Variants in SMOC2 observed in about 807,000 individuals in gnomAD.
SMOC2 encodes the protein SPARC related modular calcium binding 2.
A neutral mutation model predicts 61.4 loss-of-function variants in SMOC2; 39 were observed. The observed-to-expected ratio is 0.64, with a 90% confidence interval of 0.49 to 0.83. The LOEUF (loss-of-function observed/expected upper bound fraction) is 0.83. Ranked by LOEUF, SMOC2 falls within the 40% of genes least tolerant of loss-of-function variation. SMOC2 has a pLI of 0.00. For synonymous variants in SMOC2, 247 were observed against 239.9 expected, an observed-to-expected ratio of 1.03 and a Z score of -0.27; for missense variants, 556 against 592.9, an observed-to-expected ratio of 0.94 and a Z score of 0.65.
At chr6:168,652,274 G>A (rs771142314) in intron 10 of SMOC2, among the ~76,000 whole-genome samples, 1 of 152,106 alleles carries the variant, frequency 6.6e-6, no homozygotes, top group Non-Finnish European at 1.5e-5. Flanking sequence ...TGAGAAATTG[G>A]CAATGGTGTC....
rs112416929 is a variant in SMOC2, at chr6:168,478,882, T to C, written c.85-31033T>C. 1.9e-3 allele frequency among the ~76,000 whole-genome samples: 180 copies of C among 93,872 alleles called. 1 individual carries two copies. Among genetic ancestry groups the C allele is most frequent in the Middle Eastern group, 6.5e-3 (1 of 154 alleles). 61.6% of individuals were successfully genotyped at this position (93,872 alleles called of 152,430 possible). A position where few individuals can be genotyped will look rare whatever the true frequency, so the allele number is the denominator to read the frequency against. On this transcript the variant is annotated intron_variant, in intron 1 of 12. Coordinates refer to ENST00000356284, the MANE Select transcript of SMOC2 (RefSeq NM_001166412.2). ...CTGTCTCGGGGAAAGGAGTCAGGAA[T>C]GTTGAATGATTCATGGTATCTGGTC...
intron 7 of SMOC2, among the ~76,000 whole-genome samples, chr6:168,596,372 T>C: frequency 6.7e-6 from 1 of 149,556 alleles, no homozygotes; most frequent in South Asian, 2.2e-4. Context: ...TCCTGGGTGC[T>C]GCTGGAGAGG....
chr6:168,664,544 G>A (rs2115295693), intron 12 of SMOC2: 1 of 383,570 alleles, frequency 2.6e-6, no homozygotes, highest in Non-Finnish European at 5.1e-6. Context: ...CTGAGTGTTT[G>A]TAATTTGGTT....
chr6:168,503,502 G>A (rs61100641), intron 1 of SMOC2, among the ~76,000 whole-genome samples: 1 of 152,164 alleles, frequency 6.6e-6, no homozygotes, highest in Non-Finnish European at 1.5e-5. Flanking sequence ...AGGCTGGGAA[G>A]CAAATGCCCT....
At chr6:168,661,628 G>T (rs1020998255) in intron 11 of SMOC2, among the ~76,000 whole-genome samples, 1 of 151,458 alleles carries the variant, frequency 6.6e-6, no homozygotes, top group Non-Finnish European at 1.5e-5. Context: ...AAGAATATTA[G>T]TTTTTTTTTA....
intron 8 of SMOC2, among the ~76,000 whole-genome samples, chr6:168,604,219 C>T (rs1296824182): frequency 6.6e-6 from 1 of 152,242 alleles, no homozygotes; most frequent in African/African-American, 2.4e-5. Context: ...AGGAGCCCAT[C>T]TCTTTGTTTC....
chr6:168,642,678 A>G (rs918635336), intron 9 of SMOC2, among the ~76,000 whole-genome samples: 4 of 152,250 alleles, frequency 2.6e-5, no homozygotes, highest in Admixed American at 6.5e-5. Context: ...CGCGCTGACC[A>G]GGTCTCAGTT....
chr6:168,584,876 T>C (rs11964985), intron 7 of SMOC2, among the ~76,000 whole-genome samples: 53,496 of 152,070 alleles, frequency 0.35, 9,914 homozygotes, highest in Middle Eastern at 0.46. Context: ...AGCACATCCA[T>C]CCCGGGACAG....
intron 7 of SMOC2, among the ~76,000 whole-genome samples, chr6:168,565,429 T>C (rs1784519869): frequency 6.6e-6 from 1 of 152,206 alleles, no homozygotes; most frequent in African/African-American, 2.4e-5. Context: ...CTTCCCTCCG[T>C]GGTCTTCCCT....
At chr6:168,603,419 C>G (rs910883203) in intron 8 of SMOC2, among the ~76,000 whole-genome samples, 3 of 152,046 alleles carry the variant, frequency 2.0e-5, no homozygotes, top group Non-Finnish European at 4.4e-5. Context: ...TCTGTCACGT[C>G]TCAGCTCCCC....
intron 1 of SMOC2, among the ~76,000 whole-genome samples, chr6:168,491,584 TA>T (rs1274215051): frequency 1.3e-5 from 2 of 152,198 alleles, no homozygotes; most frequent in Non-Finnish European, 2.9e-5. Context: ...TGTGCGTATG[TA>T]AAGATCAAAA....
rs895747776 is a variant in SMOC2 at position 168,488,942 on chromosome 6, C to T, written c.85-20973C>T. Among the ~76,000 whole-genome samples the T allele has an allele frequency of 4.2e-5, 6 of 141,322 alleles. No individual in the cohort carries two copies. The Admixed American group carries it at 4.3e-4, about 10-fold the overall frequency. 92.7% of individuals were successfully genotyped at this position (141,322 alleles called of 152,430 possible). On this transcript the variant is annotated intron_variant, in intron 1 of 12. Coordinates refer to ENST00000356284, the MANE Select transcript of SMOC2 (RefSeq NM_001166412.2). ...ATATCAAATCGTCTGGGTCCCCTTG[C>T]ATCACACTGTTTTAGAGTGAAATAT...
At chr6:168,646,288 C>T (rs1253027677) in intron 9 of SMOC2, among the ~76,000 whole-genome samples, 1 of 152,180 alleles carries the variant, frequency 6.6e-6, no homozygotes, top group African/African-American at 2.4e-5. Flanking sequence ...ACGATTGTGC[C>T]AGTGTGTGGC....
At chr6:168,581,869 C>T (rs900804150) in intron 7 of SMOC2, among the ~76,000 whole-genome samples, 1 of 152,178 alleles carries the variant, frequency 6.6e-6, no homozygotes, top group African/African-American at 2.4e-5. Flanking sequence ...ACTCAGCCGC[C>T]TTCACCGCTG....
chr6:168,448,518 TGGG>T (rs1008142266), intron 1 of SMOC2, among the ~76,000 whole-genome samples: 2 of 94,364 alleles, frequency 2.1e-5, no homozygotes, highest in Non-Finnish European at 4.2e-5. Context: ...AGGATGGTGA[TGGG>T]GAGGAGGATG....
intron 7 of SMOC2, among the ~76,000 whole-genome samples, chr6:168,592,391 C>T (rs1443493140): frequency 7.8e-5 from 7 of 90,060 alleles, no homozygotes; most frequent in South Asian, 4.0e-4. Flanking sequence ...AGAGGATCTC[C>T]GAGCTCCTCC....
intron 12 of SMOC2, chr6:168,664,384 CTTTTTTTTTTTTTTTTTT>C (rs750178882): frequency 3.1e-3 from 1,006 of 329,410 alleles, no homozygotes; most frequent in South Asian, 3.5e-3. Context: ...TTTGGTAGAT[CTTTTTTTTTTTTTTTTTT>C]TTTTTTTTTT....
In SMOC2 at chr6:168,500,550, CCTT is replaced by C. The variant is rs554522462; in HGVS notation, c.85-9362_85-9360del. Among the ~76,000 whole-genome samples, 264 of 152,168 alleles carry C rather than the reference CCTT, an allele frequency of 1.7e-3. 3 individuals are homozygous for C. The highest frequency in any genetic ancestry group is 6.0e-3 in the African/African-American group (249 of 41,528). ...GTTCTTGCACTCATTTTCTCCAACA[CCTT>C]CTCTCGGCCCTGCTACTTGCCCCGG... On this transcript the variant is annotated intron_variant, in intron 1 of 12. Transcript: ENST00000356284.
chr6:168,529,233 C>G (rs991293840), intron 4 of SMOC2, among the ~76,000 whole-genome samples: 1 of 152,070 alleles, frequency 6.6e-6, no homozygotes. Flanking sequence ...CTACGTGGAA[C>G]GTTTGGTCCA....
Sources: allele counts gnomAD v4.1 joint callset (sites outside exome capture counted in the v4.1 genomes callset), GRCh38; gene constraint gnomAD v4.1.1; transcripts MANE v1.5; gene names NCBI Gene and HGNC (gene_info 2026-07-23, HGNC 2026-07-21).